B3GALT1: variants seen among roughly 807,000 people sequenced by gnomAD.
B3GALT1 encodes the protein beta-1,3-galactosyltransferase 1, also known as UDP-Gal:betaGlcNAc beta 1,3-galactosyltransferase, polypeptide 1.
In B3GALT1, 10 loss-of-function variants were observed where a neutral mutation model predicts 23.2. The observed-to-expected ratio is 0.43, with a 90% CI of 0.27 to 0.73. B3GALT1 has a LOEUF of 0.73. B3GALT1 is among the 30% of genes least tolerant of loss of function. The pLI, the probability that B3GALT1 is intolerant of heterozygous loss-of-function variation, is 0.21. For synonymous variants in B3GALT1, 156 were observed against 141.5 expected, an observed-to-expected ratio of 1.10 and a Z score of -0.73; for missense variants, 299 against 405.4, an observed-to-expected ratio of 0.74 and a Z score of 2.25.
chr2:167,294,701 A>G (rs180719373), intron 1 of B3GALT1, among the ~76,000 whole-genome samples: 535 of 152,324 alleles, frequency 3.5e-3, no homozygotes, highest in Non-Finnish European at 6.3e-3. Flanking sequence ...GGGTTGCAGC[A>G]GGGAATGGAG....
chr2:167,324,502 A>T (rs746510424), intron 1 of B3GALT1, among the ~76,000 whole-genome samples: 1 of 152,044 alleles, frequency 6.6e-6, no homozygotes. Context: ...TTGCTGCCTG[A>T]TGCTGGCTTC....
At chr2:167,816,456 G>A (rs1476544511) in intron 3 of B3GALT1, among the ~76,000 whole-genome samples, 1 of 149,610 alleles carries the variant, frequency 6.7e-6, no homozygotes, top group Admixed American at 6.6e-5. Context: ...TTTTTTTTTG[G>A]CCCTGGTTTG....
At chr2:167,309,833 A>T (rs1696610956) in intron 1 of B3GALT1, among the ~76,000 whole-genome samples, 1 of 152,104 alleles carries the variant, frequency 6.6e-6, no homozygotes, top group South Asian at 2.1e-4. Flanking sequence ...ATTCTTATTT[A>T]TAAATTTTAT....
At chr2:167,691,346 T>C (rs1007123187) in intron 3 of B3GALT1, among the ~76,000 whole-genome samples, 12 of 152,166 alleles carry the variant, frequency 7.9e-5, no homozygotes, top group African/African-American at 2.9e-4. Context: ...AATAAACATC[T>C]TAAAGTGTTT....
At chr2:167,363,767 C>T (rs1439543299) in intron 1 of B3GALT1, among the ~76,000 whole-genome samples, 2 of 152,106 alleles carry the variant, frequency 1.3e-5, no homozygotes, top group Non-Finnish European at 2.9e-5. Context: ...GCAGAATTTC[C>T]ATCTCTGATT....
chr2:167,608,659 G>C (rs1055386583), intron 2 of B3GALT1, among the ~76,000 whole-genome samples: 1 of 152,086 alleles, frequency 6.6e-6, no homozygotes, highest in Non-Finnish European at 1.5e-5. Flanking sequence ...ATTTGTTAAG[G>C]TACATATGGA....
At chr2:167,544,270 T>G (rs753973920) in intron 2 of B3GALT1, among the ~76,000 whole-genome samples, 2 of 152,110 alleles carry the variant, frequency 1.3e-5, no homozygotes, top group African/African-American at 2.4e-5. Flanking sequence ...TTAAAAATGT[T>G]CAAGAAAAGG....
At chr2:167,441,859 G>GTT (rs1275898445) in intron 1 of B3GALT1, among the ~76,000 whole-genome samples, 10 of 142,184 alleles carry the variant, frequency 7.0e-5, no homozygotes, top group African/African-American at 2.1e-4. Flanking sequence ...AAGATCCCAT[G>GTT]TTTTTTTTTT....
In B3GALT1 at chr2:167,457,010, G is replaced by A. The variant is rs923416959; in HGVS notation, c.-510-33167G>A. 3.9e-5 allele frequency among the ~76,000 whole-genome samples: 6 copies of A among 152,112 alleles called. No individual in the cohort carries two copies. In the South Asian group the frequency reaches 1.2e-3, roughly 32 times the overall value. Reference sequence around the variant, plus strand: ...GGCAACCAGATCCAATCCTGATCCTGATGCTTCTTAGGAGCTCACAGCCAC... The same window carrying A: ...GGCAACCAGATCCAATCCTGATCCTAATGCTTCTTAGGAGCTCACAGCCAC... On this transcript the variant is annotated intron_variant, in intron 1 of 4. Transcript: ENST00000392690.
At chr2:167,638,089 T>A (rs969743948) in intron 2 of B3GALT1, among the ~76,000 whole-genome samples, 1 of 152,036 alleles carries the variant, frequency 6.6e-6, no homozygotes, top group African/African-American at 2.4e-5. Flanking sequence ...ATAAGACCAA[T>A]AAGTGGCATA....
At chr2:167,703,322 A>C (rs992453953) in intron 3 of B3GALT1, among the ~76,000 whole-genome samples, 1 of 152,150 alleles carries the variant, frequency 6.6e-6, no homozygotes, top group Non-Finnish European at 1.5e-5. Flanking sequence ...CTCTCCCTAC[A>C]TTAGATGCCT....
chr2:167,578,336 G>A (rs866706825), intron 2 of B3GALT1, among the ~76,000 whole-genome samples: 1 of 151,882 alleles, frequency 6.6e-6, no homozygotes, highest in East Asian at 1.9e-4. Flanking sequence ...AGGACAAACC[G>A]AAATCCCATG....
intron 2 of B3GALT1, among the ~76,000 whole-genome samples, chr2:167,601,692 A>G (rs1014880807): frequency 3.9e-5 from 6 of 152,202 alleles, no homozygotes; most frequent in African/African-American, 9.6e-5. Context: ...GCAGAAATGT[A>G]TTAGAAAAAG....
intron 3 of B3GALT1, among the ~76,000 whole-genome samples, chr2:167,775,110 G>T (rs966924062): frequency 6.6e-6 from 1 of 152,098 alleles, no homozygotes; most frequent in Non-Finnish European, 1.5e-5. Flanking sequence ...TAAGAAGGAA[G>T]ATAAATATAT....
rs1292605255 is a variant in B3GALT1, at chr2:167,869,110, G to A, written c.71G>A (p.Ser24Asn). The change falls in exon 5 of 5, where the codon AGT becomes AAT. Residue 24 changes from serine to asparagine, a missense_variant. Ser to Asn is a conservative substitution (Grantham distance 46, BLOSUM62 1). This residue lies in a region of B3GALT1 where 162 missense variants were observed against 184.1 expected (regional missense o/e 0.88). Coordinates refer to ENST00000392690, the MANE Select transcript of B3GALT1 (RefSeq NM_020981.4). This position sits in a 1 kb window ranked among gnomAD's most constrained non-coding sequence, Gnocchi z 6.4. ...TGGGCCAGCGCTCTCTGGTACTTGA[G>A]TATAACTCGCCCTACTTCTTCTTAC... Reference protein sequence around the residue: ...VCWASALWYLSITRPTSSYTG... With the variant: ...VCWASALWYLNITRPTSSYTG... 5.6e-6 allele frequency: 9 copies of A among 1,614,150 alleles called. No individual in the cohort carries two copies. The highest frequency in any genetic ancestry group is 7.6e-6 in the Non-Finnish European group (9 of 1,180,030).
intron 2 of B3GALT1, among the ~76,000 whole-genome samples, chr2:167,579,227 C>G (rs1342765802): frequency 6.6e-6 from 1 of 151,992 alleles, no homozygotes; most frequent in Non-Finnish European, 1.5e-5. Context: ...TGACCCCAAT[C>G]TTGATTTCAG....
chr2:167,580,829 C>T (rs1409088441), intron 2 of B3GALT1, among the ~76,000 whole-genome samples: 4 of 152,088 alleles, frequency 2.6e-5, no homozygotes, highest in East Asian at 1.9e-4. Context: ...TTCTAGGAGC[C>T]GTGTACCCTT....
chr2:167,389,933 AAAAAG>A (rs1300981123), intron 1 of B3GALT1, among the ~76,000 whole-genome samples: 69 of 148,552 alleles, frequency 4.6e-4, no homozygotes, highest in African/African-American at 1.7e-3. Context: ...AACAAAAAAA[AAAAAG>A]AAAGAAAAGA....
intron 3 of B3GALT1, among the ~76,000 whole-genome samples, chr2:167,809,341 T>C (rs1308173867): frequency 6.6e-6 from 1 of 152,186 alleles, no homozygotes. Context: ...CTGCATTCCT[T>C]TGGAGGAGGA....
Sources: gnomAD v4.1 joint callset for allele counts (sites outside exome capture counted in the v4.1 genomes callset) on GRCh38, gnomAD v4.1.1 for gene constraint, gnomAD v4.1.1 regional missense constraint, Gnocchi (gnomAD v3.1) non-coding constraint, MANE v1.5 for transcripts, NCBI Gene and HGNC (gene_info 2026-07-23, HGNC 2026-07-21) for gene names.